The following ATP2B4 variants were observed in gnomAD, a reference collection of about 807,000 sequenced individuals.
ATP2B4 encodes plasma membrane calcium-transporting ATPase 4.
A neutral mutation model predicts 110.3 loss-of-function variants in ATP2B4; 39 were observed. The ratio of observed to expected loss-of-function variants is 0.35; its 90% CI spans 0.27 to 0.46. The LOEUF is 0.46. ATP2B4 is among the 20% of genes least tolerant of loss of function. The pLI, the probability that ATP2B4 is intolerant of heterozygous loss-of-function variation, is 1.00. For synonymous variants in ATP2B4, 538 were observed against 571.7 expected (o/e 0.94, Z 0.84); for missense variants, 1,135 against 1,530.9 (o/e 0.74, Z 4.32).
intron 8 of ATP2B4, among the ~76,000 whole-genome samples, chr1:203,704,506 C>T (rs1327047099): frequency 4.2e-5 from 4 of 95,448 alleles, no homozygotes; most frequent in African/African-American, 1.3e-4. Flanking sequence ...TTTGAGATGG[C>T]GTCTTCCTCT....
At chr1:203,725,722 C>T (rs2102222964) in intron 19 of ATP2B4, among the ~76,000 whole-genome samples, 1 of 152,144 alleles carries the variant, frequency 6.6e-6, no homozygotes, top group South Asian at 2.1e-4. Flanking sequence ...CCTCTCTTTA[C>T]AGACCCCAGG....
intron 1 of ATP2B4, among the ~76,000 whole-genome samples, chr1:203,641,435 A>G (rs918734126): frequency 6.6e-6 from 1 of 152,198 alleles, no homozygotes; most frequent in East Asian, 1.9e-4. Context: ...CATTGGCTTT[A>G]GGTTGATTCA....
chr1:203,637,730 C>T (rs1011698868), intron 1 of ATP2B4, among the ~76,000 whole-genome samples: 1 of 152,216 alleles, frequency 6.6e-6, no homozygotes, highest in Non-Finnish European at 1.5e-5. Context: ...CTAGCATTAG[C>T]CTTCCTGGCA....
chr1:203,650,806 C>A (rs2102317831), intron 1 of ATP2B4, among the ~76,000 whole-genome samples: 1 of 152,384 alleles, frequency 6.6e-6, no homozygotes, highest in Non-Finnish European at 1.5e-5. Flanking sequence ...AGCACTTCTG[C>A]CCCTCACTGT....
At chr1:203,666,154 C>A (rs1326957026) in intron 1 of ATP2B4, among the ~76,000 whole-genome samples, 2 of 152,234 alleles carry the variant, frequency 1.3e-5, no homozygotes, top group Non-Finnish European at 2.9e-5. Flanking sequence ...CGGTGAGCAA[C>A]TCTGTCTCCT....
At chr1:203,697,607 T>C (rs1665570040) in intron 2 of ATP2B4, among the ~76,000 whole-genome samples, 1 of 152,234 alleles carries the variant, frequency 6.6e-6, no homozygotes, top group African/African-American at 2.4e-5. Context: ...ATTTTTAGAC[T>C]GAAAGTTCCA....
chr1:203,636,051 C>A (rs571455505), intron 1 of ATP2B4, among the ~76,000 whole-genome samples: 4 of 152,214 alleles, frequency 2.6e-5, no homozygotes, highest in African/African-American at 9.7e-5. Context: ...GCTGAGGGAA[C>A]CTGGGGACTG....
chr1:203,709,440 A>G lies in ATP2B4; in HGVS notation c.1697A>G (p.Tyr566Cys), dbSNP rs745513252. 1.2e-6 allele frequency: 2 copies of G among 1,614,224 alleles called. No homozygotes were observed. Among genetic ancestry groups the G allele is most frequent in the Admixed American group, 3.3e-5 (2 of 60,028 alleles). ...EVPEEKLYKV[Y>C]TFNSVRKSMS... ...CCCGAGGAGAAGCTCTACAAGGTGT[A>G]CACCTTTAACTCAGTGCGCAAGTCA... The change falls in exon 11 of 21, where the codon TAC (tyrosine) becomes TGC (cysteine). Residue 566 changes from tyrosine (Y) to cysteine (C), a missense_variant. Tyr to Cys is a radical substitution (Grantham distance 194). Transcript: ENST00000357681.
At chr1:203,717,785 G>C (rs952206344) in intron 15 of ATP2B4, among the ~76,000 whole-genome samples, 3 of 151,984 alleles carry the variant, frequency 2.0e-5, no homozygotes, top group Non-Finnish European at 2.9e-5. Context: ...TGGGATTACA[G>C]GCAGCTGCCA....
chr1:203,677,512 G>A (rs1481705935), intron 1 of ATP2B4, among the ~76,000 whole-genome samples: 1 of 152,206 alleles, frequency 6.6e-6, no homozygotes. Flanking sequence ...ACCCAGGCGG[G>A]AGTGCAGTGG....
At chr1:203,688,960 G>T (rs954365364) in intron 2 of ATP2B4, among the ~76,000 whole-genome samples, 1 of 152,176 alleles carries the variant, frequency 6.6e-6, no homozygotes, top group Admixed American at 6.5e-5. Flanking sequence ...GACAATCTGA[G>T]CATTTTGCAC....
chr1:203,683,401 A>T lies in ATP2B4; in HGVS notation c.193+3A>T. 1 of 1,604,900 alleles carries T rather than the reference A, an allele frequency of 6.2e-7. No homozygotes were observed. The highest frequency in any genetic ancestry group is 8.5e-7 in the Non-Finnish European group (1 of 1,173,882). ...ACTGAAAACCTCCCCTGTGGAAGGT[A>T]AAGGCCATATCAGGGGTGGGGAGTT... On this transcript the variant is annotated splice_donor_region_variant and intron_variant, in intron 2 of 20. Transcript: ENST00000357681.
intron 2 of ATP2B4, among the ~76,000 whole-genome samples, chr1:203,683,666 CTTTTTTTTTTT>C (rs11326748): frequency 7.7e-5 from 6 of 77,700 alleles, no homozygotes; most frequent in Non-Finnish European, 1.2e-4. Flanking sequence ...TCTTTTGTTT[CTTTTTTTTTTT>C]TTTTTTTTTT....
Position 203,721,163 on chromosome 1 carries a change from A to T in ATP2B4, c.2599-34A>T, listed in dbSNP as rs199701870. Reference sequence around the variant, plus strand: ...GGGCAAAGGTGGGCTGGTTTCAGAGAAAAGCTAAAAGGACTGGTTCTTCTC... The same window carrying T: ...GGGCAAAGGTGGGCTGGTTTCAGAGTAAAGCTAAAAGGACTGGTTCTTCTC... On this transcript the variant is annotated intron_variant, in intron 16 of 20. Coordinates refer to ENST00000357681, the MANE Select transcript of ATP2B4 (RefSeq NM_001684.5). 1.7e-4 allele frequency: 271 copies of T among 1,608,332 alleles called. 1 individual carries two copies. The highest frequency in any genetic ancestry group is 2.8e-5 in the Non-Finnish European group (33 of 1,175,632).
At chr1:203,720,048 G>A (rs1455812643) in intron 15 of ATP2B4, among the ~76,000 whole-genome samples, 1 of 152,096 alleles carries the variant, frequency 6.6e-6, no homozygotes, top group Non-Finnish European at 1.5e-5. Context: ...CTCCAGCCTG[G>A]ACAAAGCAAG....
At chr1:203,711,520 A>T (rs1028641685) in intron 12 of ATP2B4, among the ~76,000 whole-genome samples, 1 of 152,134 alleles carries the variant, frequency 6.6e-6, no homozygotes, top group African/African-American at 2.4e-5. Flanking sequence ...TTAATTCTCA[A>T]GGCCCAGAGG....
At chr1:203,630,363 CTCTCTCTTTT>C (rs1266123763) in intron 1 of ATP2B4, among the ~76,000 whole-genome samples, 3 of 21,848 alleles carry the variant, frequency 1.4e-4, no homozygotes, top group South Asian at 3.6e-3. Flanking sequence ...CTCTCTCTCT[CTCTCTCTTTT>C]TTTTTTTTTT....
intron 19 of ATP2B4, 44 bp from the exon 20 acceptor site, chr1:203,727,351 C>A: frequency 6.2e-7 from 1 of 1,603,416 alleles, no homozygotes; most frequent in South Asian, 1.1e-5. Flanking sequence ...CAGCTCTTCT[C>A]ACGCTGATTC....
intron 19 of ATP2B4, 23 bp downstream of exon 19, chr1:203,724,011 GGT>G: frequency 6.3e-7 from 1 of 1,584,084 alleles, no homozygotes; most frequent in East Asian, 2.3e-5. Flanking sequence ...ACACCCTCCT[GGT>G]GCATTCTCAC....
Sources: gnomAD v4.1 joint callset for allele counts (sites outside exome capture counted in the v4.1 genomes callset) on GRCh38, gnomAD v4.1.1 for gene constraint, MANE v1.5 for transcripts, NCBI Gene and HGNC (gene_info 2026-07-23, HGNC 2026-07-21) for gene names.